The following CTNNA3 variants were observed in gnomAD, a reference collection of about 807,000 sequenced individuals.
CTNNA3 encodes the protein catenin alpha 3, also known as catenin alpha-3.
CTNNA3 carries 76 observed loss-of-function variants against 95.7 expected under a neutral mutation model. The observed-to-expected ratio is 0.79, with a 90% CI of 0.66 to 0.96. The LOEUF (loss-of-function observed/expected upper bound fraction) is 0.96. Among genes scored for constraint, CTNNA3 ranks in the 40% least tolerant of loss-of-function variants. The probability of loss-of-function intolerance (pLI) is 0.00; values close to 1 mark genes in which losing one functional copy is unlikely to be tolerated. For missense variants in CTNNA3, 1,191 were observed against 1,089.8 expected (o/e 1.09, Z -1.31); for synonymous variants, 431 against 374.4 (o/e 1.15, Z -1.74).
chr10:66,830,803 G>T (rs909652201), intron 7 of CTNNA3, among the ~76,000 whole-genome samples: 3 of 151,920 alleles, frequency 2.0e-5, no homozygotes, highest in African/African-American at 4.8e-5. Context: ...TAGAGACAGG[G>T]TTTCACCGTG....
intron 13 of CTNNA3, among the ~76,000 whole-genome samples, chr10:66,177,252 A>G (rs1460880860): frequency 6.6e-6 from 1 of 152,120 alleles, no homozygotes; most frequent in Admixed American, 6.6e-5. Context: ...CTGAAGAAAA[A>G]GAAATCAATA....
At chr10:66,110,789 A>C (rs894878942) in intron 13 of CTNNA3, among the ~76,000 whole-genome samples, 2 of 152,282 alleles carry the variant, frequency 1.3e-5, no homozygotes, top group African/African-American at 4.8e-5. Context: ...ATCCTGAGAA[A>C]TGTGTCATTA....
At chr10:67,450,153 C>T (rs1846915017) in intron 5 of CTNNA3, among the ~76,000 whole-genome samples, 1 of 152,098 alleles carries the variant, frequency 6.6e-6, no homozygotes, top group African/African-American at 2.4e-5. Context: ...ATAACACATG[C>T]TGGTCAAGTT....
chr10:66,168,642 T>A (rs148055972), intron 13 of CTNNA3, among the ~76,000 whole-genome samples: 12 of 152,314 alleles, frequency 7.9e-5, no homozygotes, highest in African/African-American at 2.4e-4. Flanking sequence ...AACTAGCACC[T>A]TGTCATCCAA....
intron 7 of CTNNA3, among the ~76,000 whole-genome samples, chr10:67,004,883 G>A (rs1256139792): frequency 2.6e-5 from 4 of 152,246 alleles, no homozygotes; most frequent in South Asian, 4.1e-4. Flanking sequence ...CCAGCCAAAA[G>A]GGAAATAACT....
At chr10:67,064,499 A>C (rs1855953386) in intron 7 of CTNNA3, among the ~76,000 whole-genome samples, 1 of 152,212 alleles carries the variant, frequency 6.6e-6, no homozygotes, top group Non-Finnish European at 1.5e-5. Flanking sequence ...ATTTTACATC[A>C]TCTATAGACA....
chr10:65,971,097 A>C (rs556176012), intron 16 of CTNNA3, among the ~76,000 whole-genome samples: 31 of 152,018 alleles, frequency 2.0e-4, no homozygotes, highest in Admixed American at 2.0e-3. Flanking sequence ...AGTAACCAAA[A>C]AATTCTTTGA....
At chr10:67,028,793 C>T (rs1853545645) in intron 7 of CTNNA3, among the ~76,000 whole-genome samples, 1 of 151,964 alleles carries the variant, frequency 6.6e-6, no homozygotes, top group Non-Finnish European at 1.5e-5. Flanking sequence ...TTTGAGGTTT[C>T]CTCCCAAGCA....
At chr10:66,212,797 A>T (rs910830793) in intron 13 of CTNNA3, among the ~76,000 whole-genome samples, 1 of 152,168 alleles carries the variant, frequency 6.6e-6, no homozygotes, top group Non-Finnish European at 1.5e-5. Context: ...TGAGGCCAGG[A>T]GTTTGAGACC....
intron 13 of CTNNA3, among the ~76,000 whole-genome samples, chr10:66,136,227 A>G (rs1372317643): frequency 1.3e-5 from 2 of 152,212 alleles, no homozygotes; most frequent in African/African-American, 4.8e-5. Context: ...CAAATAACAT[A>G]TAATACTCTT....
chr10:67,297,267 G>A (rs2132485250), intron 5 of CTNNA3, among the ~76,000 whole-genome samples: 1 of 152,288 alleles, frequency 6.6e-6, no homozygotes, highest in Admixed American at 6.5e-5. Context: ...TCCAAGAGGT[G>A]TCCTCCAGAT....
At chr10:66,837,462 C>T (rs1013329677) in intron 7 of CTNNA3, 1 of 152,160 alleles carries the variant, frequency 6.6e-6, no homozygotes, top group Non-Finnish European at 1.5e-5. Context: ...TCCTGAAGAG[C>T]TTAACCTACA....
intron 13 of CTNNA3, among the ~76,000 whole-genome samples, chr10:66,272,964 A>G (rs766820114): frequency 6.6e-6 from 1 of 152,180 alleles, no homozygotes; most frequent in South Asian, 2.1e-4. Flanking sequence ...CTAAGCACTT[A>G]TCATACCCTG....
At chr10:66,399,190 T>C (rs1222689437) in intron 11 of CTNNA3, among the ~76,000 whole-genome samples, 1 of 150,268 alleles carries the variant, frequency 6.7e-6, no homozygotes, top group Non-Finnish European at 1.5e-5. Context: ...TAAGCTTTGT[T>C]TTCTTATAGT....
chr10:67,412,389 T>G (rs1456890465), intron 5 of CTNNA3, among the ~76,000 whole-genome samples: 1 of 152,106 alleles, frequency 6.6e-6, no homozygotes, highest in African/African-American at 2.4e-5. Context: ...TCATCAGCAT[T>G]CCTAAGAAAT....
At chr10:67,358,108 C>T (rs534416083) in intron 5 of CTNNA3, among the ~76,000 whole-genome samples, 1 of 152,134 alleles carries the variant, frequency 6.6e-6, no homozygotes, top group East Asian at 1.9e-4. Context: ...CCACACTTAC[C>T]TCATGATACA....
intron 1 of CTNNA3, among the ~76,000 whole-genome samples, chr10:67,721,651 T>C (rs191754228): frequency 3.3e-4 from 51 of 152,296 alleles, no homozygotes; most frequent in Non-Finnish European, 6.9e-4. Context: ...TTCTGAAGCC[T>C]ACTTCTGTCA....
chr10:65,988,905 A>C, intron 15 of CTNNA3, 108 bp from the exon 16 acceptor site: 2 of 695,838 alleles, frequency 2.9e-6, no homozygotes, highest in Non-Finnish European at 4.9e-6. Flanking sequence ...CCATCCGCAT[A>C]TGTAAAATAT....
At chr10:66,862,603 C>A (rs1258045465) in intron 7 of CTNNA3, among the ~76,000 whole-genome samples, 1 of 151,982 alleles carries the variant, frequency 6.6e-6, no homozygotes, top group Non-Finnish European at 1.5e-5. Context: ...GTTTGAAGAC[C>A]AAAGTGTGCT....
Sources: gnomAD v4.1 joint callset for allele counts (sites outside exome capture counted in the v4.1 genomes callset) on GRCh38, gnomAD v4.1.1 for gene constraint, MANE v1.5 for transcripts, NCBI Gene and HGNC (gene_info 2026-07-23, HGNC 2026-07-21) for gene names.